The following MARCHF1 variants were observed in gnomAD, a reference collection of about 807,000 sequenced individuals.
MARCHF1 encodes the protein E3 ubiquitin-protein ligase MARCHF1.
A neutral mutation model predicts 54.2 loss-of-function variants in MARCHF1; 40 were observed. The observed-to-expected ratio is 0.74, with a 90% confidence interval of 0.57 to 0.96. MARCHF1 has a LOEUF of 0.96. MARCHF1 is among the 40% of genes least tolerant of loss of function. The probability of loss-of-function intolerance (pLI) is 0.00; values close to 1 mark genes in which losing one functional copy is unlikely to be tolerated. For missense variants in MARCHF1, 586 were observed against 656.5 expected, an observed-to-expected ratio of 0.89 and a Z score of 1.17; for synonymous variants, 236 against 236.3, an observed-to-expected ratio of 1.00 and a Z score of 0.01.
chr4:163,821,266 A>T (rs1190630133), intron 4 of MARCHF1, among the ~76,000 whole-genome samples: 1 of 151,966 alleles, frequency 6.6e-6, no homozygotes, highest in East Asian at 1.9e-4. Context: ...TTCTAATTGT[A>T]TTCACTTTTG....
intron 1 of MARCHF1, among the ~76,000 whole-genome samples, chr4:164,242,627 A>G (rs571156401): frequency 6.6e-6 from 1 of 152,170 alleles, no homozygotes; most frequent in East Asian, 1.9e-4. Context: ...AGCTGGATGG[A>G]GAATGACTTT....
At chr4:163,836,198 C>T (rs1579326449) in intron 4 of MARCHF1, among the ~76,000 whole-genome samples, 1 of 151,444 alleles carries the variant, frequency 6.6e-6, no homozygotes, top group African/African-American at 2.4e-5. Flanking sequence ...CAGATCCTTA[C>T]CTACATGGTA....
At position 164,084,294 on chromosome 4, in the gene MARCHF1, A is replaced by G. The variant is rs1410491949; in HGVS notation, c.-248+27294T>C. Among the ~76,000 whole-genome samples the G allele has an allele frequency of 4.6e-5, 7 of 151,986 alleles. No homozygotes were observed. In the East Asian group the frequency reaches 1.4e-3, roughly 29 times the overall value. On this transcript the variant is annotated intron_variant, in intron 2 of 9. Coordinates refer to ENST00000514618, the MANE Select transcript of MARCHF1 (RefSeq NM_001394959.1). ...TAATTTGTTTGGCTAATGAAACCAT[A>G]GATTATTGTTTATTACTTTCCCCGG...
At chr4:164,293,944 G>T (rs1734347983) in intron 1 of MARCHF1, among the ~76,000 whole-genome samples, 1 of 152,182 alleles carries the variant, frequency 6.6e-6, no homozygotes, top group Non-Finnish European at 1.5e-5. Flanking sequence ...GACTGGGAGA[G>T]GCAGACCCAC....
chr4:163,656,640 C>T (rs969476140), intron 5 of MARCHF1, among the ~76,000 whole-genome samples: 5 of 152,044 alleles, frequency 3.3e-5, no homozygotes, highest in East Asian at 1.9e-4. Flanking sequence ...TGATGAACAT[C>T]GATGCAGAAA....
At chr4:163,599,904 T>C (rs1210067230) in intron 7 of MARCHF1, among the ~76,000 whole-genome samples, 1 of 152,212 alleles carries the variant, frequency 6.6e-6, no homozygotes, top group African/African-American at 2.4e-5. Flanking sequence ...CAATGAGAAA[T>C]TTGAGGTCAT....
chr4:164,298,838 G>C (rs967820399), intron 1 of MARCHF1, among the ~76,000 whole-genome samples: 1 of 152,060 alleles, frequency 6.6e-6, no homozygotes, highest in African/African-American at 2.4e-5. Flanking sequence ...GATGCAAAGT[G>C]AGGTACTCTG....
intron 1 of MARCHF1, among the ~76,000 whole-genome samples, chr4:164,344,181 T>G (rs1730007941): frequency 6.6e-6 from 1 of 151,950 alleles, no homozygotes; most frequent in African/African-American, 2.4e-5. Flanking sequence ...ACTAAGTACA[T>G]ATGCACACAA....
intron 4 of MARCHF1, among the ~76,000 whole-genome samples, chr4:163,801,507 C>A (rs1034468784): frequency 6.6e-6 from 1 of 152,040 alleles, no homozygotes; most frequent in African/African-American, 2.4e-5. Context: ...ACTTTGAATT[C>A]CACACAGTGA....
At chr4:163,776,360 C>A (rs903295275) in intron 4 of MARCHF1, among the ~76,000 whole-genome samples, 1 of 150,812 alleles carries the variant, frequency 6.6e-6, no homozygotes, top group Non-Finnish European at 1.5e-5. Context: ...CTCTTTCTCT[C>A]TATATATAAT....
intron 1 of MARCHF1, among the ~76,000 whole-genome samples, chr4:164,325,333 T>TTTTATATATATATATATATATATA (rs375590729): frequency 1.4e-5 from 2 of 138,460 alleles, no homozygotes; most frequent in South Asian, 5.0e-4. Context: ...TAGACAGAAA[T>TTTTATATATATATATATATATATA]TATATATATA....
intron 3 of MARCHF1, among the ~76,000 whole-genome samples, chr4:163,872,881 A>G (rs988251736): frequency 6.6e-6 from 1 of 151,988 alleles, no homozygotes; most frequent in South Asian, 2.1e-4. Context: ...CGCCTCTACT[A>G]AAAATACAAA....
chr4:163,867,615 C>A (rs1001097540), intron 3 of MARCHF1, among the ~76,000 whole-genome samples: 30 of 151,644 alleles, frequency 2.0e-4, no homozygotes, highest in Admixed American at 5.9e-4. Flanking sequence ...TACTGACTAC[C>A]AAGGCTTTCT....
At position 163,599,297 on chromosome 4, in the gene MARCHF1, T is replaced by TTATATATATATATATA. The variant is rs150458467; in HGVS notation, c.1010+12973_1010+12974insTATATATATATATATA. Among the ~76,000 whole-genome samples the TTATATATATATATATA allele has an allele frequency of 3.4e-3, 501 of 146,710 alleles. 8 individuals carry two copies. Among genetic ancestry groups the TTATATATATATATATA allele is most frequent in the South Asian group, 7.8e-3 (36 of 4,642 alleles). ...AGAGTGAGACTCCATCTCAAAAAAA[T>TTATATATATATATATA]TATATATATATATATGTTTTATTTT... On this transcript the variant is annotated intron_variant, in intron 7 of 9. Coordinates refer to ENST00000514618, the MANE Select transcript of MARCHF1 (RefSeq NM_001394959.1).
chr4:163,793,106 C>T (rs1012554783), intron 4 of MARCHF1, among the ~76,000 whole-genome samples: 1 of 152,108 alleles, frequency 6.6e-6, no homozygotes. Flanking sequence ...TATACACACC[C>T]AAGTTATTTT....
At chr4:164,330,564 G>GA (rs1249542988) in intron 1 of MARCHF1, among the ~76,000 whole-genome samples, 4 of 152,152 alleles carry the variant, frequency 2.6e-5, no homozygotes, top group Non-Finnish European at 4.4e-5. Context: ...AAATAAAACA[G>GA]ATTATTATAA....
At chr4:163,898,873 A>T (rs977040219) in intron 3 of MARCHF1, among the ~76,000 whole-genome samples, 1 of 151,928 alleles carries the variant, frequency 6.6e-6, no homozygotes, top group East Asian at 1.9e-4. Context: ...GAATAAAATC[A>T]TGTTCTTTGC....
chr4:164,187,075 C>T (rs773334327), intron 1 of MARCHF1, among the ~76,000 whole-genome samples: 2 of 151,014 alleles, frequency 1.3e-5, no homozygotes, highest in Non-Finnish European at 2.9e-5. Flanking sequence ...TCTTGCTCAA[C>T]CCTCAACATC....
At position 163,668,788 on chromosome 4, in the gene MARCHF1, C is replaced by T. The variant is rs567032729; in HGVS notation, c.162+32025G>A. ...ATCCAAGAAAAGGAGCCAAGGACCACAGTTCTCAAAATTCCCTTTCCTACC... is the reference window on the plus strand; with the variant it reads ...ATCCAAGAAAAGGAGCCAAGGACCATAGTTCTCAAAATTCCCTTTCCTACC... On this transcript the variant is annotated intron_variant, in intron 5 of 9. Transcript: ENST00000514618. Among the ~76,000 whole-genome samples, 5 of 152,252 alleles carry T rather than the reference C, an allele frequency of 3.3e-5. No individual in the cohort carries two copies. In the East Asian group the frequency reaches 7.7e-4, roughly 24 times the overall value.
Sources: gnomAD v4.1 joint callset for allele counts (sites outside exome capture counted in the v4.1 genomes callset) on GRCh38, gnomAD v4.1.1 for gene constraint, MANE v1.5 for transcripts, NCBI Gene and HGNC (gene_info 2026-07-23, HGNC 2026-07-21) for gene names.